CEMIP2: variants seen among roughly 807,000 people sequenced by gnomAD.
CEMIP2 encodes the protein cell migration inducing hyaluronidase 2.
Under a neutral mutation model 146.9 loss-of-function variants are expected in CEMIP2, and 79 were observed. The observed-to-expected ratio is 0.54, with a 90% CI of 0.45 to 0.65. The LOEUF is 0.65. Ranked by LOEUF, CEMIP2 falls within the 30% of genes least tolerant of loss-of-function variation. CEMIP2 has a pLI of 0.00. For synonymous variants in CEMIP2, 601 were observed against 606.3 expected (o/e 0.99, Z 0.13); for missense variants, 1,596 against 1,696.2 (o/e 0.94, Z 1.04).
rs145210392 is a variant in CEMIP2 at position 71,709,455 on chromosome 9, A to G, written c.2789T>C (p.Phe930Ser). The stretch of plus-strand genomic sequence containing the variant: ...TTCAAACCAGGGACCAGGCTTTCCA[A>G]AAAAGACATTCAGAGAGACCTGACC... ...FGPHVSLNVFFGKPGPWFEDC... is the reference protein window; with the variant it reads ...FGPHVSLNVFSGKPGPWFEDC... The change falls in exon 17 of 24, where the codon TTT (phenylalanine) becomes TCT (serine). Residue 930 changes from phenylalanine to serine, a missense_variant. Phe to Ser is a radical substitution (Grantham distance 155). Coordinates refer to ENST00000377044, the MANE Select transcript of CEMIP2 (RefSeq NM_013390.3). 92 of 1,614,060 alleles carry G rather than the reference A, an allele frequency of 5.7e-5. No individual in the cohort carries two copies. Among genetic ancestry groups the G allele is most frequent in the Non-Finnish European group, 7.2e-5 (85 of 1,180,036 alleles).
chr9:71,704,713 T>TAATA lies in CEMIP2; in HGVS notation c.3072_3075dup (p.Asn1026TyrfsTer2). ...TACTGTGGAAAGGCAGCCTTCTGAT[T>TAATA]AATACCTCGGAGCACCATAGGGTTG... On this transcript the variant is annotated frameshift_variant, in exon 18 of 24. Transcript: ENST00000377044. LOFTEE classifies it high-confidence loss of function. The TAATA allele has an allele frequency of 1.9e-6, 3 of 1,614,178 alleles. No homozygotes were observed. The highest frequency in any genetic ancestry group is 2.5e-6 in the Non-Finnish European group (3 of 1,180,026).
chr9:71,764,980 G>T (rs1824747004), intron 1 of CEMIP2, among the ~76,000 whole-genome samples: 1 of 151,170 alleles, frequency 6.6e-6, no homozygotes, highest in Non-Finnish European at 1.5e-5. Context: ...AGAAGGGCTA[G>T]CTTGGCTTGG....
intron 1 of CEMIP2, among the ~76,000 whole-genome samples, chr9:71,751,245 C>G (rs1824244393): frequency 6.6e-6 from 1 of 152,184 alleles, no homozygotes; most frequent in Non-Finnish European, 1.5e-5. Context: ...CATTAAGTAA[C>G]TCTCCATTTT....
chr9:71,750,417 A>G (rs1824216274), intron 1 of CEMIP2, 32 bp from the exon 2 acceptor site: 2 of 1,423,870 alleles, frequency 1.4e-6, no homozygotes, highest in East Asian at 2.3e-5. Flanking sequence ...AAGCTTCAGT[A>G]TGTGTAAATT....
chr9:71,718,072 G>A lies in CEMIP2; in HGVS notation c.2275C>T (p.Pro759Ser), dbSNP rs576747856. Residue 759 changes from proline (P) to serine (S), a missense_variant, in exon 13 of 24, where the codon CCT becomes TCT. Physicochemically the swap from Pro to Ser is moderately conservative, Grantham distance 74 (BLOSUM62 -1). Transcript: ENST00000377044. ...LCLDNSARFR[P>S]HQDANPEKPR... Reference sequence around the variant, plus strand: ...TTTTCGGGGTTTGCATCCTGATGAGGTCGAAATCTAGGGGTTAAAAAAAGA... The same window carrying A: ...TTTTCGGGGTTTGCATCCTGATGAGATCGAAATCTAGGGGTTAAAAAAAGA... 6.2e-7 allele frequency: 1 copy of A among 1,605,482 alleles called. No individual in the cohort carries two copies. The highest frequency in any genetic ancestry group is 2.2e-5 in the East Asian group (1 of 44,640).
chr9:71,732,739 C>T, intron 6 of CEMIP2, among the ~76,000 whole-genome samples: 1 of 120,768 alleles, frequency 8.3e-6, no homozygotes, highest in Non-Finnish European at 1.6e-5. Context: ...CGGAGTCTCA[C>T]TCTGTCCCCC....
intron 11 of CEMIP2, among the ~76,000 whole-genome samples, chr9:71,725,043 A>G (rs1823343874): frequency 6.6e-6 from 1 of 152,184 alleles, no homozygotes; most frequent in Non-Finnish European, 1.5e-5. Context: ...TATGCGCAAT[A>G]GGTATGTATA....
intron 10 of CEMIP2, among the ~76,000 whole-genome samples, chr9:71,728,502 A>C (rs957591738): frequency 6.7e-6 from 1 of 150,272 alleles, no homozygotes; most frequent in African/African-American, 2.4e-5. Context: ...AAAAAGATTC[A>C]TTTAGGTTTT....
intron 20 of CEMIP2, among the ~76,000 whole-genome samples, chr9:71,695,959 GA>G (rs200695689): frequency 1.0e-4 from 15 of 148,642 alleles, no homozygotes; most frequent in African/African-American, 3.4e-4. Context: ...CTATATTTAA[GA>G]AAAAAAAAAT....
At chr9:71,716,650 C>A in intron 13 of CEMIP2, 98 bp from the exon 14 acceptor site, 2 of 1,083,636 alleles carry the variant, frequency 1.8e-6, no homozygotes, top group Non-Finnish European at 2.7e-6. Flanking sequence ...TCCAAAAGGT[C>A]CCAATATTTA....
chr9:71,698,062 A>AG lies in CEMIP2; in HGVS notation c.3519_3520insC (p.Tyr1174LeufsTer31). On this transcript the variant is annotated frameshift_variant, in exon 20 of 24. Coordinates refer to ENST00000377044, the MANE Select transcript of CEMIP2 (RefSeq NM_013390.3). LOFTEE classifies it high-confidence loss of function. ...TTGACCACTGACGGCTTTCTGTAGT[A>AG]CTGTGGGTATGCTTTGGCCATGCAG... is the stretch of plus-strand genomic sequence containing the variant. The AG allele has an allele frequency of 6.2e-7, 1 of 1,614,128 alleles. No homozygotes were observed. The highest frequency in any genetic ancestry group is 8.5e-7 in the Non-Finnish European group (1 of 1,180,034).
At chr9:71,751,717 G>C (rs1824260450) in intron 1 of CEMIP2, among the ~76,000 whole-genome samples, 1 of 152,078 alleles carries the variant, frequency 6.6e-6, no homozygotes, top group African/African-American at 2.4e-5. Context: ...ATTATTCTAA[G>C]CTCTTCAAAT....
chr9:71,687,267 A>G (rs1822091158), intron 22 of CEMIP2: 1 of 152,162 alleles, frequency 6.6e-6, no homozygotes, highest in Non-Finnish European at 1.5e-5. Context: ...TTATATTTTA[A>G]CTAAGTAAAT....
intron 17 of CEMIP2, among the ~76,000 whole-genome samples, chr9:71,707,055 A>C (rs1204177837): frequency 3.3e-5 from 5 of 152,112 alleles, no homozygotes; most frequent in African/African-American, 1.2e-4. Flanking sequence ...CTCGAACTCC[A>C]GACCGCAGGT....
chr9:71,726,105 G>A (rs1271793906), intron 10 of CEMIP2, among the ~76,000 whole-genome samples: 1 of 152,072 alleles, frequency 6.6e-6, no homozygotes, highest in Non-Finnish European at 1.5e-5. Context: ...TTCAATAGAT[G>A]AGTCATGCCT....
intron 11 of CEMIP2, among the ~76,000 whole-genome samples, chr9:71,724,937 G>A (rs1823338355): frequency 6.6e-6 from 1 of 152,086 alleles, no homozygotes; most frequent in South Asian, 2.1e-4. Context: ...GGGAGGAAGA[G>A]GTGAGAAGAA....
chr9:71,754,933 A>G (rs1431115670), intron 1 of CEMIP2, among the ~76,000 whole-genome samples: 1 of 152,162 alleles, frequency 6.6e-6, no homozygotes, highest in Non-Finnish European at 1.5e-5. Context: ...AAACATAAGC[A>G]TTCCAAAAAG....
intron 6 of CEMIP2, 35 bp from the exon 7 acceptor site, chr9:71,732,555 A>T: frequency 6.5e-7 from 1 of 1,536,742 alleles, no homozygotes; most frequent in Non-Finnish European, 8.7e-7. Flanking sequence ...AAAGAATATT[A>T]GAACAAAGAA....
chr9:71,710,424 T>C (rs1175527373), intron 16 of CEMIP2, among the ~76,000 whole-genome samples: 1 of 152,212 alleles, frequency 6.6e-6, no homozygotes, highest in Non-Finnish European at 1.5e-5. Context: ...CGGCAAGTTC[T>C]TGGTTCCACA....
Sources: allele counts gnomAD v4.1 joint callset (sites outside exome capture counted in the v4.1 genomes callset), GRCh38; gene constraint gnomAD v4.1.1; transcripts MANE v1.5; gene names NCBI Gene and HGNC (gene_info 2026-07-23, HGNC 2026-07-21).